The following LRRC40 variants were observed in gnomAD, a reference collection of about 807,000 sequenced individuals.
LRRC40 encodes leucine-rich repeat-containing protein 40.
In LRRC40, 76 loss-of-function variants were observed where a neutral mutation model predicts 72.8. The observed-to-expected ratio is 1.04, with a 90% confidence interval of 0.87 to 1.26. LRRC40 has a LOEUF of 1.26. LRRC40 is among the 50% of genes most tolerant of loss of function. The pLI is 0.00. For synonymous variants in LRRC40, 243 were observed against 254.2 expected (o/e 0.96, Z 0.42); for missense variants, 684 against 698.9 (o/e 0.98, Z 0.24).
At chr1:70,188,008 C>T (rs1284615871) in intron 2 of LRRC40, among the ~76,000 whole-genome samples, 1 of 152,036 alleles carries the variant, frequency 6.6e-6, no homozygotes, top group African/African-American at 2.4e-5. Flanking sequence ...CTAAAAACAG[C>T]TCTCTGATGA....
chr1:70,204,261 A>G (rs1416649607), intron 1 of LRRC40, among the ~76,000 whole-genome samples: 1 of 152,366 alleles, frequency 6.6e-6, no homozygotes, highest in Admixed American at 6.5e-5. Context: ...TAGAAATACA[A>G]CAAAGCACAA....
chr1:70,155,003 G>A (rs140334790), intron 11 of LRRC40, among the ~76,000 whole-genome samples: 42 of 152,160 alleles, frequency 2.8e-4, no homozygotes, highest in Middle Eastern at 3.4e-3. Flanking sequence ...CTCACATTGG[G>A]TTGTTTTAAT....
chr1:70,159,354 A>C lies in LRRC40; in HGVS notation c.1196T>G (p.Ile399Ser). The change falls in exon 10 of 15, where the codon ATT (isoleucine) becomes AGT (serine). Residue 399 changes from isoleucine to serine, a missense_variant. By Grantham distance (142) the Ile-to-Ser change is moderately radical (BLOSUM62 -2). Coordinates refer to ENST00000370952, the MANE Select transcript of LRRC40 (RefSeq NM_017768.5). ...SESRVNIHAI[I>S]TLKILDYSDK... is the part of the protein sequence containing the mutation. The stretch of plus-strand genomic sequence containing the variant: ...CCTATAGTCTAATATTTTTAATGTA[A>C]TGATGGCATGTATATTGACTCTGGA... The C allele has an allele frequency of 6.6e-7, 1 of 1,517,928 alleles. No individual in the cohort carries two copies. The highest frequency in any genetic ancestry group is 9.1e-7 in the Non-Finnish European group (1 of 1,101,942). 94.0% of individuals were successfully genotyped at this position (1,517,928 alleles called of 1,614,324 possible). A position where few individuals can be genotyped will look rare whatever the true frequency, so the allele number is the denominator to read the frequency against.
chr1:70,159,298 TATAAAA>T lies in LRRC40; in HGVS notation c.1220+26_1220+31del, dbSNP rs779872382. The T allele has an allele frequency of 3.9e-6, 4 of 1,038,340 alleles. No individual in the cohort carries two copies. The African/African-American group carries it at 6.5e-5, about 17-fold the overall frequency. The allele number at this position is 1,038,340 out of a possible 1,614,324, so 64.3% of individuals were successfully genotyped here. On this transcript the variant is annotated intron_variant, in intron 10 of 14. Transcript: ENST00000370952. ...GGGCAACACAGTAAGACCCTATCTC[TATAAAA>T]ATAAAAATAATAATAAATTACATAC...
At chr1:70,172,291 AT>A (rs1433472720) in intron 9 of LRRC40, among the ~76,000 whole-genome samples, 1 of 152,186 alleles carries the variant, frequency 6.6e-6, no homozygotes, top group Non-Finnish European at 1.5e-5. Context: ...AGTCTAAGAT[AT>A]TTTATTATAG....
intron 9 of LRRC40, among the ~76,000 whole-genome samples, chr1:70,169,570 G>C (rs957147979): frequency 6.6e-6 from 1 of 152,134 alleles, no homozygotes; most frequent in African/African-American, 2.4e-5. Flanking sequence ...TAGAAAAAAA[G>C]AGAGAAGACT....
intron 7 of LRRC40, 136 bp downstream of exon 7, chr1:70,175,674 A>C (rs1571466269): frequency 1.6e-6 from 1 of 617,844 alleles, no homozygotes; most frequent in Non-Finnish European, 2.7e-6. Flanking sequence ...TTATCTGTAC[A>C]TAACTACTGC....
chr1:70,190,542 G>A (rs1443751553), intron 1 of LRRC40, among the ~76,000 whole-genome samples: 4 of 151,168 alleles, frequency 2.6e-5, no homozygotes, highest in Admixed American at 2.0e-4. Context: ...CTGGTGTGAT[G>A]GCACACACCT....
chr1:70,180,537 A>C (rs1256856781), intron 5 of LRRC40: 1 of 152,216 alleles, frequency 6.6e-6, no homozygotes, highest in African/African-American at 2.4e-5. Flanking sequence ...AAAGGTACTA[A>C]AATGTACCTT....
rs150548309 is a variant in LRRC40, at chr1:70,169,509, C to T, written c.1111+3956G>A. Among the ~76,000 whole-genome samples the T allele has an allele frequency of 5.2e-3, 797 of 152,206 alleles. 5 individuals carry two copies. The highest frequency in any genetic ancestry group is 0.018 in the African/African-American group (754 of 41,522). ...TAGAGAAGATCAATGAAACTAAACG[C>T]TCATCCTTTGGAAAGTCAACAAAAC... is the stretch of plus-strand genomic sequence containing the variant. On this transcript the variant is annotated intron_variant, in intron 9 of 14. Coordinates refer to ENST00000370952, the MANE Select transcript of LRRC40 (RefSeq NM_017768.5).
intron 5 of LRRC40, chr1:70,180,530 G>A (rs1668220691): frequency 6.6e-6 from 1 of 152,062 alleles, no homozygotes; most frequent in Non-Finnish European, 1.5e-5. Context: ...TAATTTAAAA[G>A]GTACTAAAAT....
rs1482057163 is a variant in LRRC40, at chr1:70,173,669, C to T, written c.1018G>A (p.Ala340Thr). ...SLGNLHLKFL[A>T]LEGNPLRTIR... Reference sequence around the variant, plus strand: ...GTTCTCAAAGGATTTCCTTCTAATGCCAAAAATTTCAAATGAAGGTTCCCC... The same window carrying T: ...GTTCTCAAAGGATTTCCTTCTAATGTCAAAAATTTCAAATGAAGGTTCCCC... Residue 340 changes from alanine (A) to threonine (T), a missense_variant, in exon 8 of 15, where the codon GCA (alanine) becomes ACA (threonine). Ala to Thr is a moderately conservative substitution (Grantham distance 58). Transcript: ENST00000370952. 1.9e-6 allele frequency: 3 copies of T among 1,569,450 alleles called. No individual in the cohort carries two copies. Among genetic ancestry groups the T allele is most frequent in the African/African-American group, 1.4e-5 (1 of 73,560 alleles).
Position 70,189,213 on chromosome 1 carries a change from G to T in LRRC40, c.212C>A (p.Ser71Ter), listed in dbSNP as rs1328427877. ...DIPEEANQNL[S>*]FGATERWWEQ... ...CCACCATCTTTCAGTAGCACCAAAC[G>T]AAAGATTCTGATTAGCTTCCTCAGG... The change falls in exon 2 of 15, where the codon TCG becomes TAG. Residue 71 changes from serine (S) to a stop codon, truncating the protein, a stop_gained. Transcript: ENST00000370952. LOFTEE classifies it high-confidence loss of function. 6.2e-7 allele frequency: 1 copy of T among 1,603,698 alleles called. No homozygotes were observed. Among genetic ancestry groups the T allele is most frequent in the Non-Finnish European group, 8.5e-7 (1 of 1,177,060 alleles).
chr1:70,152,728 A>T (rs1667535056), intron 11 of LRRC40, among the ~76,000 whole-genome samples, 185 bp from the exon 12 acceptor site: 1 of 152,142 alleles, frequency 6.6e-6, no homozygotes, highest in Non-Finnish European at 1.5e-5. Flanking sequence ...TAATTTTTCA[A>T]AAAAGGCTCA....
intron 1 of LRRC40, among the ~76,000 whole-genome samples, chr1:70,200,891 C>G (rs1227211299): frequency 6.6e-6 from 1 of 152,074 alleles, no homozygotes; most frequent in Non-Finnish European, 1.5e-5. Context: ...TATCTTTTGG[C>G]CTGGGCATGG....
intron 7 of LRRC40, 117 bp from the exon 8 acceptor site, chr1:70,173,826 G>A: frequency 2.0e-6 from 1 of 502,054 alleles, no homozygotes; most frequent in Non-Finnish European, 3.5e-6. Context: ...TCAAAGAAAG[G>A]CCAAGTAATG....
intron 2 of LRRC40, 95 bp downstream of exon 2, chr1:70,188,997 C>T: frequency 1.4e-5 from 14 of 1,027,672 alleles, no homozygotes; most frequent in Non-Finnish European, 2.0e-5. Context: ...CCTTGCATTA[C>T]CAACTCAACA....
intron 7 of LRRC40, among the ~76,000 whole-genome samples, chr1:70,174,500 A>C (rs1668061343): frequency 6.6e-6 from 1 of 152,136 alleles, no homozygotes; most frequent in East Asian, 1.9e-4. Flanking sequence ...AGATGTTTAC[A>C]ATAGCAAAAA....
At chr1:70,159,207 A>G (rs1667704528) in intron 10 of LRRC40, 123 bp downstream of exon 10, 1 of 415,666 alleles carries the variant, frequency 2.4e-6, no homozygotes, top group African/African-American at 2.1e-5. Context: ...TCAAGCCTAT[A>G]ATCCTAGCAC....
Sources: gnomAD v4.1 joint callset for allele counts (sites outside exome capture counted in the v4.1 genomes callset) on GRCh38, gnomAD v4.1.1 for gene constraint, MANE v1.5 for transcripts, NCBI Gene and HGNC (gene_info 2026-07-23, HGNC 2026-07-21) for gene names.